CNTRL: variants seen among roughly 807,000 people sequenced by gnomAD.
CNTRL encodes the protein 110 kDa centrosomal protein.
In CNTRL, 233 loss-of-function variants were observed where a neutral mutation model predicts 303.7. The ratio of observed to expected loss-of-function variants is 0.77; its 90% CI spans 0.69 to 0.86. The LOEUF is 0.86. Among genes scored for constraint, CNTRL ranks in the 40% least tolerant of loss-of-function variants. CNTRL has a pLI of 0.00. For synonymous variants in CNTRL, 900 were observed against 922.2 expected, an observed-to-expected ratio of 0.98 and a Z score of 0.44; for missense variants, 2,524 against 2,650.6, an observed-to-expected ratio of 0.95 and a Z score of 1.05.
At chr9:121,117,600 T>C (rs2050036574) in intron 11 of CNTRL, among the ~76,000 whole-genome samples, 1 of 152,188 alleles carries the variant, frequency 6.6e-6, no homozygotes. Flanking sequence ...GGGCGAGATA[T>C]TTAAATTTTC....
chr9:121,147,094 C>T (rs931172153), intron 23 of CNTRL, among the ~76,000 whole-genome samples: 4 of 152,140 alleles, frequency 2.6e-5, no homozygotes, highest in African/African-American at 9.7e-5. Context: ...CTGCTGCCTC[C>T]GGGGTTCAAG....
chr9:121,090,071 T>TA (rs2048498332), intron 3 of CNTRL, among the ~76,000 whole-genome samples: 1 of 129,866 alleles, frequency 7.7e-6, no homozygotes, highest in African/African-American at 4.0e-5. Context: ...ATTATAGTAT[T>TA]ACAATCATTA....
intron 14 of CNTRL, among the ~76,000 whole-genome samples, chr9:121,131,157 C>G (rs919926254): frequency 2.0e-5 from 3 of 152,166 alleles, no homozygotes; most frequent in Non-Finnish European, 1.5e-5. Context: ...CTGCTTGGTG[C>G]AGAGCTGAGT....
At chr9:121,136,165 C>T (rs892064946) in intron 15 of CNTRL, among the ~76,000 whole-genome samples, 183 bp downstream of exon 15, 3 of 152,088 alleles carry the variant, frequency 2.0e-5, no homozygotes, top group South Asian at 2.1e-4. Flanking sequence ...TGTGTGAACA[C>T]GGGCAAATCA....
chr9:121,090,469 G>GA (rs34349718), intron 4 of CNTRL, 64 bp downstream of exon 4: 39 of 1,454,556 alleles, frequency 2.7e-5, no homozygotes, highest in African/African-American at 5.7e-5. Context: ...TTAATACTGC[G>GA]AAAAAAAATT....
In CNTRL at chr9:121,088,311, T is replaced by C. The variant is rs758476413; in HGVS notation, c.-16T>C. On this transcript the variant is annotated 5_prime_UTR_variant, in exon 3 of 44. Transcript: ENST00000373855. ...ACTCTTACAGGTTTTGATGAACACC[T>C]GGCTTTATTCTTGCAATGAAGAAAG... 7.9e-6 allele frequency: 12 copies of C among 1,528,412 alleles called. No homozygotes were observed. Among genetic ancestry groups the C allele is most frequent in the Non-Finnish European group, 1.1e-5 (12 of 1,103,734 alleles). The allele number at this position is 1,528,412 out of a possible 1,614,324, so 94.7% of individuals were successfully genotyped here. A position where few individuals can be genotyped will look rare whatever the true frequency, so the allele number is the denominator to read the frequency against.
In CNTRL at chr9:121,158,099, T is replaced by C; in HGVS notation, c.4754T>C (p.Leu1585Pro). 1 of 1,614,064 alleles carries C rather than the reference T, an allele frequency of 6.2e-7. No homozygotes were observed. Among genetic ancestry groups the C allele is most frequent in the Non-Finnish European group, 8.5e-7 (1 of 1,180,012 alleles). ...GCCAAAAGAGCCGAGCTGGAAAAGC[T>C]GAAAAGCCAGGTATGGCAATAGACA... Reference protein sequence around the residue: ...LQAKRAELEKLKSQVTSQQQE... With the variant: ...LQAKRAELEKPKSQVTSQQQE... Residue 1585 changes from leucine to proline, a missense_variant, in exon 30 of 44, where the codon CTG (leucine) becomes CCG (proline). Physicochemically the swap from Leu to Pro is moderately conservative, Grantham distance 98. Coordinates refer to ENST00000373855, the MANE Select transcript of CNTRL (RefSeq NM_007018.6).
intron 14 of CNTRL, among the ~76,000 whole-genome samples, chr9:121,132,352 ACTTCT>A (rs1451240593): frequency 6.6e-6 from 1 of 151,726 alleles, no homozygotes; most frequent in Non-Finnish European, 1.5e-5. Context: ...TTTTCTCTAA[ACTTCT>A]CTTCTTGCTT....
At chr9:121,148,910 A>G in intron 24 of CNTRL, 49 bp downstream of exon 24, 1 of 1,526,680 alleles carries the variant, frequency 6.6e-7, no homozygotes, top group Non-Finnish European at 9.0e-7. Context: ...CCGTTTAATA[A>G]CCTTTTACTG....
chr9:121,103,925 G>T (rs2049316356), intron 7 of CNTRL, among the ~76,000 whole-genome samples: 1 of 152,350 alleles, frequency 6.6e-6, no homozygotes, highest in African/African-American at 2.4e-5. Flanking sequence ...TACACTGTTG[G>T]TGGGAGTGTA....
At chr9:121,156,797 T>G (rs1178814378) in intron 27 of CNTRL, among the ~76,000 whole-genome samples, 1 of 152,254 alleles carries the variant, frequency 6.6e-6, no homozygotes, top group Non-Finnish European at 1.5e-5. Flanking sequence ...ATAGGAAGAT[T>G]TTAAACATTT....
In CNTRL at chr9:121,145,278, C is replaced by T; in HGVS notation, c.3203C>T (p.Thr1068Ile). ...GAGATGGAGAAAACAGGTGTAGGTACTGGAGCAAACTCACAGGTCCTAGAA... is the reference window on the plus strand; with the variant it reads ...GAGATGGAGAAAACAGGTGTAGGTATTGGAGCAAACTCACAGGTCCTAGAA... ...RLEMEKTGVG[T>I]GANSQVLEIE... The change falls in exon 22 of 44, where the codon ACT (threonine) becomes ATT (isoleucine). Residue 1068 changes from threonine to isoleucine, a missense_variant. Physicochemically the swap from Thr to Ile is moderately conservative, Grantham distance 89 (BLOSUM62 -1). Coordinates refer to ENST00000373855, the MANE Select transcript of CNTRL (RefSeq NM_007018.6). 1.2e-6 allele frequency: 2 copies of T among 1,613,612 alleles called. No homozygotes were observed. Among genetic ancestry groups the T allele is most frequent in the Non-Finnish European group, 1.7e-6 (2 of 1,179,856 alleles).
At chr9:121,130,635 G>A (rs529382211) in intron 14 of CNTRL, among the ~76,000 whole-genome samples, 45 of 152,180 alleles carry the variant, frequency 3.0e-4, no homozygotes, top group African/African-American at 1.0e-3. Flanking sequence ...ATCCCCTTTA[G>A]TTTGGCTCTG....
intron 8 of CNTRL, among the ~76,000 whole-genome samples, chr9:121,109,431 A>G (rs1381209371): frequency 6.6e-6 from 1 of 152,174 alleles, no homozygotes; most frequent in Non-Finnish European, 1.5e-5. Context: ...GTGTACATGC[A>G]TGTATAAAGC....
intron 15 of CNTRL, 80 bp from the exon 16 acceptor site, chr9:121,138,465 A>G (rs2051317004): frequency 2.9e-6 from 4 of 1,398,780 alleles, no homozygotes; most frequent in Non-Finnish European, 3.0e-6. Flanking sequence ...TTGTGTGTAT[A>G]TGTAAATTTA....
At chr9:121,111,146 T>C (rs1264158839) in intron 8 of CNTRL, 1 of 152,080 alleles carries the variant, frequency 6.6e-6, no homozygotes, top group East Asian at 1.9e-4. Flanking sequence ...AAAATATCAA[T>C]GTGGGTAATG....
At chr9:121,082,831 G>A (rs563940749) in intron 2 of CNTRL, among the ~76,000 whole-genome samples, 4 of 152,100 alleles carry the variant, frequency 2.6e-5, no homozygotes, top group African/African-American at 7.2e-5. Flanking sequence ...TTAGCCAGGC[G>A]TGGTGGCACG....
At chr9:121,079,425 T>G (rs1273984954) in intron 1 of CNTRL, among the ~76,000 whole-genome samples, 1 of 152,102 alleles carries the variant, frequency 6.6e-6, no homozygotes, top group Non-Finnish European at 1.5e-5. Flanking sequence ...CCTAACACTT[T>G]GGGAGGTAGA....
intron 12 of CNTRL, among the ~76,000 whole-genome samples, chr9:121,123,622 A>ATAAAT (rs202123652): frequency 1.3e-5 from 2 of 152,054 alleles, no homozygotes; most frequent in African/African-American, 4.8e-5. Context: ...AAATAAATAA[A>ATAAAT]AAAGAGAGAG....
Sources: gnomAD v4.1 joint callset for allele counts (sites outside exome capture counted in the v4.1 genomes callset) on GRCh38, gnomAD v4.1.1 for gene constraint, MANE v1.5 for transcripts, NCBI Gene and HGNC (gene_info 2026-07-23, HGNC 2026-07-21) for gene names.